The following ATP2B3 variants were observed in gnomAD, a reference collection of about 807,000 sequenced individuals.
ATP2B3 encodes the protein plasma membrane calcium-transporting ATPase 3.
In ATP2B3, 12 loss-of-function variants were observed where a neutral mutation model predicts 70.8. The ratio of observed to expected loss-of-function variants is 0.17; its 90% confidence interval spans 0.11 to 0.27. The LOEUF (loss-of-function observed/expected upper bound fraction) is 0.27, where lower values mean the gene tolerates loss of function less well. Among genes scored for constraint, ATP2B3 ranks in the 10% least tolerant of loss-of-function variants. The pLI, the probability that ATP2B3 is intolerant of heterozygous loss-of-function variation, is 1.00. For missense variants in ATP2B3, 858 were observed against 1,118.5 expected (o/e 0.77, Z 3.32); for synonymous variants, 460 against 497.8 (o/e 0.92, Z 1.01).
intron 21 of ATP2B3, among the ~76,000 whole-genome samples, chrX:153,567,367 GC>G (rs1311972667): frequency 8.8e-6 from 1 of 113,369 alleles, no homozygotes; most frequent in Non-Finnish European, 1.9e-5. Flanking sequence ...ATGCCTATGG[GC>G]CCCCCAGCTG....
In ATP2B3 at chrX:153,541,442, T is replaced by C. The variant is rs1255449474; in HGVS notation, c.292T>C (p.Phe98Leu). The C allele has an allele frequency of 8.3e-7, 1 of 1,210,252 alleles. No individual in the cohort carries two copies. The highest frequency in any genetic ancestry group is 1.7e-5 in the African/African-American group (1 of 57,295). Reference protein sequence around the residue: ...NFIPPKQPKTFLQLVWEALQD... With the variant: ...NFIPPKQPKTLLQLVWEALQD... Reference sequence around the variant, plus strand: ...CATCCCCCCAAAGCAACCCAAGACCTTCCTGCAGCTGGTGTGGGAGGCCCT... The same window carrying C: ...CATCCCCCCAAAGCAACCCAAGACCCTCCTGCAGCTGGTGTGGGAGGCCCT... Residue 98 changes from phenylalanine to leucine, a missense_variant, in exon 4 of 22, where the codon TTC becomes CTC. Transcript: ENST00000263519.
intron 2 of ATP2B3, among the ~76,000 whole-genome samples, chrX:153,524,096 T>C (rs1556998851): frequency 8.9e-6 from 1 of 111,983 alleles, no homozygotes; most frequent in East Asian, 2.8e-4. Context: ...TTGCCATTTT[T>C]TTTTTTCATG....
intron 3 of ATP2B3, among the ~76,000 whole-genome samples, chrX:153,538,713 C>T (rs1048824696): frequency 8.8e-6 from 1 of 113,389 alleles, no homozygotes; most frequent in Non-Finnish European, 1.9e-5. Flanking sequence ...TGCCCTGGAC[C>T]TGGACTGCCC....
chrX:153,578,501 G>T (rs1167711088), intron 21 of ATP2B3, among the ~76,000 whole-genome samples: 1 of 112,867 alleles, frequency 8.9e-6, no homozygotes, highest in African/African-American at 3.2e-5. Context: ...AGGCTGAGGG[G>T]CCAGGGAGCA....
At chrX:153,545,950 T>G in intron 7 of ATP2B3, 138 bp from the exon 8 acceptor site, 1 of 603,997 alleles carries the variant, frequency 1.7e-6, no homozygotes, top group South Asian at 2.6e-5. Context: ...TGGGAGGTGG[T>G]GACGGGGTGA....
intron 2 of ATP2B3, among the ~76,000 whole-genome samples, chrX:153,527,234 A>C (rs1456409277): frequency 8.9e-6 from 1 of 112,742 alleles, no homozygotes; most frequent in Non-Finnish European, 1.9e-5. Flanking sequence ...CTCTCTGGCT[A>C]TGAAGGGCTG....
chrX:153,533,681 G>A (rs371911026), intron 2 of ATP2B3, among the ~76,000 whole-genome samples: 7 of 111,662 alleles, frequency 6.3e-5, no homozygotes, highest in East Asian at 5.7e-4. Flanking sequence ...AGGGCCAGCC[G>A]AGGAGAAGGA....
At chrX:153,523,174 T>C (rs1249440896) in intron 2 of ATP2B3, among the ~76,000 whole-genome samples, 5 of 112,295 alleles carry the variant, frequency 4.5e-5, no homozygotes, top group African/African-American at 1.3e-4. Context: ...TAGTTTAATT[T>C]TTTAAGATTA....
chrX:153,562,136 T>C lies in ATP2B3; in HGVS notation c.3053T>C (p.Ile1018Thr). 8.3e-7 allele frequency: 1 copy of C among 1,210,530 alleles called. No homozygotes were observed. Among genetic ancestry groups the C allele is most frequent in the Non-Finnish European group, 1.1e-6 (1 of 894,107 alleles). The change falls in exon 20 of 22, where the codon ATT (isoleucine) becomes ACT (threonine). Residue 1018 changes from isoleucine to threonine, a missense_variant and splice_region_variant. Ile to Thr is a moderately conservative substitution (Grantham distance 89). Around this residue, in one of 5 missense-constraint regions of ATP2B3, gnomAD observed 265 missense variants for 305.3 expected, o/e 0.87. Transcript: ENST00000263519. ...CTCTCTCCCACTTGCCCTTCGCAGA[T>C]TGTCATCGTCCAGTTTGGCGGGAAG... is the stretch of plus-strand genomic sequence containing the variant. ...TIVLGTFGIQ[I>T]VIVQFGGKPF...
At chrX:153,562,716 T>C (rs2090642537) in intron 20 of ATP2B3, among the ~76,000 whole-genome samples, 1 of 112,229 alleles carries the variant, frequency 8.9e-6, no homozygotes. Flanking sequence ...GACCCCACAA[T>C]TAGATCAGGA....
intron 15 of ATP2B3, 133 bp downstream of exon 15, chrX:153,556,551 C>T: frequency 1.4e-6 from 1 of 691,337 alleles, no homozygotes. Flanking sequence ...CCCATTAGCC[C>T]AGAGCAGCAG....
At chrX:153,579,288 G>T (rs2090894224) in intron 21 of ATP2B3, among the ~76,000 whole-genome samples, 1 of 112,680 alleles carries the variant, frequency 8.9e-6, no homozygotes, top group Non-Finnish European at 1.9e-5. Flanking sequence ...GTGCCCTGAG[G>T]GATCAAATCA....
chrX:153,581,670 C>G lies in ATP2B3; in HGVS notation c.*1372C>G, dbSNP rs2090923765. The G allele has an allele frequency of 1.8e-5, 2 of 113,211 alleles. No individual in the cohort carries two copies. Among genetic ancestry groups the G allele is most frequent in the South Asian group, 3.6e-4 (1 of 2,811 alleles). The allele number at this position is 113,211 out of a possible 1,213,427, so 9.3% of individuals were successfully genotyped here. A position where few individuals can be genotyped will look rare whatever the true frequency, so the allele number is the denominator to read the frequency against. On this transcript the variant is annotated 3_prime_UTR_variant, in exon 22 of 22. Transcript: ENST00000263519. Reference sequence around the variant, plus strand: ...CCCTCAGCACCTGGATGGACTCCCACTGTTTGCTTTGGCAAATGCCGAGGA... The same window carrying G: ...CCCTCAGCACCTGGATGGACTCCCAGTGTTTGCTTTGGCAAATGCCGAGGA...
chrX:153,535,261 G>T (rs1557003390), intron 2 of ATP2B3, among the ~76,000 whole-genome samples: 1 of 112,661 alleles, frequency 8.9e-6, no homozygotes. Context: ...CCGTGGCCTG[G>T]ATGCTTTCAG....
chrX:153,550,059 A>T lies in ATP2B3; in HGVS notation c.1596A>T (p.Glu532Asp). The T allele has an allele frequency of 8.3e-7, 1 of 1,210,559 alleles. No homozygotes were observed. Among genetic ancestry groups the T allele is most frequent in the Non-Finnish European group, 1.1e-6 (1 of 894,209 alleles). ...TCATCTTGCAGCCTCCTGAGAAGGA[A>T]GGCGCCCTCCCACGCCAGGTGGGCA... ...YTTKILPPEK[E>D]GALPRQVGNK... The change falls in exon 12 of 22, where the codon GAA becomes GAT. Residue 532 changes from glutamate (E) to aspartate (D), a missense_variant. Glu to Asp is a conservative substitution (Grantham distance 45). Coordinates refer to ENST00000263519, the MANE Select transcript of ATP2B3 (RefSeq NM_001001344.3).
intron 8 of ATP2B3, among the ~76,000 whole-genome samples, chrX:153,547,260 A>G (rs928111894): frequency 9.1e-6 from 1 of 110,472 alleles, no homozygotes; most frequent in Admixed American, 9.6e-5. Flanking sequence ...CACCACCACC[A>G]TGTCGAGGGC....
At position 153,536,352 on chromosome X, in the gene ATP2B3, C is replaced by T. The variant is rs1442462280; in HGVS notation, c.105C>T (p.Arg35=). Residue 35 remains arginine, a synonymous_variant, in exon 3 of 22, where the codon CGC becomes CGT. Transcript: ENST00000263519. ...TTGGGTGCACGCTGGCGGAGCTGCG[C>T]ACCCTCATGGAGCTGCGAGGGGCCG... The part of the protein sequence containing the change: ...GGFGCTLAEL[R]TLMELRGAEA... 8.3e-7 allele frequency: 1 copy of T among 1,201,484 alleles called. No individual in the cohort carries two copies. The highest frequency in any genetic ancestry group is 1.1e-6 in the Non-Finnish European group (1 of 891,097).
intron 21 of ATP2B3, among the ~76,000 whole-genome samples, chrX:153,571,984 G>A (rs782656193): frequency 5.3e-5 from 6 of 112,464 alleles, no homozygotes; most frequent in Admixed American, 9.4e-5. Context: ...ACAGTGCAGC[G>A]GATTGGTTTA....
At chrX:153,561,631 A>G (rs1436096575) in intron 19 of ATP2B3, among the ~76,000 whole-genome samples, 2 of 111,850 alleles carry the variant, frequency 1.8e-5, no homozygotes, top group African/African-American at 3.2e-5. Context: ...CAGCGGTTCC[A>G]GGGCATACGG....
Sources: allele counts gnomAD v4.1 joint callset (sites outside exome capture counted in the v4.1 genomes callset), GRCh38; gene constraint gnomAD v4.1.1; regional missense constraint gnomAD v4.1.1; transcripts MANE v1.5; gene names NCBI Gene and HGNC (gene_info 2026-07-23, HGNC 2026-07-21).